TRERF1: variants seen among roughly 807,000 people sequenced by gnomAD.
TRERF1 encodes transcriptional-regulating factor 1.
In TRERF1, 27 loss-of-function variants were observed where a neutral mutation model predicts 122.9. The ratio of observed to expected loss-of-function variants is 0.22; its 90% CI spans 0.16 to 0.30. TRERF1 has a LOEUF of 0.30. TRERF1 is among the 10% of genes least tolerant of loss of function. The probability of loss-of-function intolerance (pLI) is 1.00; values close to 1 mark genes in which losing one functional copy is unlikely to be tolerated. For missense variants in TRERF1, 1,248 were observed against 1,560.3 expected (o/e 0.80, Z 3.37); for synonymous variants, 636 against 641.7 (o/e 0.99, Z 0.13).
chr6:42,415,702 A>G (rs1334397546), intron 2 of TRERF1, among the ~76,000 whole-genome samples: 2 of 152,124 alleles, frequency 1.3e-5, no homozygotes. Context: ...TGGGCTCACT[A>G]TTCTGTCCCA....
chr6:42,405,792 C>A (rs1162250363), intron 2 of TRERF1, among the ~76,000 whole-genome samples: 6 of 133,884 alleles, frequency 4.5e-5, no homozygotes, highest in African/African-American at 1.9e-4. Flanking sequence ...CAGACCTTGT[C>A]TCAAAAAAAA....
exon 18 of TRERF1, chr6:42,226,463 T>C (rs1244524706): frequency 6.6e-6 from 1 of 152,250 alleles, no homozygotes; most frequent in African/African-American, 2.4e-5. Flanking sequence ...TGATGCACAC[T>C]GCCCAGGCAG....
intron 2 of TRERF1, among the ~76,000 whole-genome samples, chr6:42,437,741 T>C (rs1031571704): frequency 2.0e-5 from 3 of 152,136 alleles, no homozygotes; most frequent in African/African-American, 7.2e-5. Flanking sequence ...TGCCCTGCAA[T>C]TTACTAGCCA....
chr6:42,265,012 A>T (rs1778905719), intron 6 of TRERF1, among the ~76,000 whole-genome samples, 158 bp from the exon 7 acceptor site: 1 of 152,194 alleles, frequency 6.6e-6, no homozygotes, highest in South Asian at 2.1e-4. Flanking sequence ...CCCTTTAGAG[A>T]ACAAAGTTCA....
intron 2 of TRERF1, among the ~76,000 whole-genome samples, chr6:42,429,982 A>G (rs1784241037): frequency 6.6e-6 from 1 of 152,004 alleles, no homozygotes; most frequent in Non-Finnish European, 1.5e-5. Context: ...AGCAATGCAG[A>G]TGAGTATCTA....
At chr6:42,383,358 T>C (rs1231823602) in intron 2 of TRERF1, among the ~76,000 whole-genome samples, 1 of 152,210 alleles carries the variant, frequency 6.6e-6, no homozygotes, top group Non-Finnish European at 1.5e-5. Context: ...CCAGTGTCAC[T>C]ATCATGCCTC....
chr6:42,248,726 T>C (rs992501654), intron 13 of TRERF1, among the ~76,000 whole-genome samples: 3 of 152,118 alleles, frequency 2.0e-5, no homozygotes, highest in African/African-American at 7.2e-5. Context: ...TCATCTTCCA[T>C]GGGTTCCAGA....
Position 42,268,242 on chromosome 6 carries a change from T to C in TRERF1, c.1349A>G (p.His450Arg). The change falls in exon 5 of 18, where the codon CAT (histidine) becomes CGT (arginine). Residue 450 changes from histidine to arginine, a missense_variant. Physicochemically the swap from His to Arg is conservative, Grantham distance 29 (BLOSUM62 0). Around this residue, in one of 5 missense-constraint regions of TRERF1, gnomAD observed 946 missense variants for 1,073.0 expected, o/e 0.88. Coordinates refer to ENST00000372922, the Ensembl canonical transcript of TRERF1. The surrounding 1 kb of genome is among the most constrained non-coding windows in gnomAD (Gnocchi z 4.4). ...CCCACTGGGGGATAGGAGGGGGCGA[T>C]GGGGGAGGGTGCTGCTGACCCGGGT... is the stretch of plus-strand genomic sequence containing the variant. 6.7e-7 allele frequency: 1 copy of C among 1,490,426 alleles called. No individual in the cohort carries two copies. The highest frequency in any genetic ancestry group is 8.9e-7 in the Non-Finnish European group (1 of 1,120,114). 92.3% of individuals were successfully genotyped at this position (1,490,426 alleles called of 1,614,324 possible).
At chr6:42,339,688 C>T (rs1477777332) in intron 3 of TRERF1, among the ~76,000 whole-genome samples, 1 of 152,182 alleles carries the variant, frequency 6.6e-6, no homozygotes, top group Non-Finnish European at 1.5e-5. Context: ...CTCAGCCAAA[C>T]CCATGCAGAC....
At chr6:42,436,800 C>CAAAAAAAAAAAA (rs775861205) in intron 2 of TRERF1, among the ~76,000 whole-genome samples, 5 of 77,548 alleles carry the variant, frequency 6.4e-5, no homozygotes, top group African/African-American at 1.9e-4. Context: ...TCTCCCTCTA[C>CAAAAAAAAAAAA]AAAAAAAAAA....
At chr6:42,443,278 T>G (rs958401213) in intron 2 of TRERF1, among the ~76,000 whole-genome samples, 1 of 152,242 alleles carries the variant, frequency 6.6e-6, no homozygotes, top group African/African-American at 2.4e-5. Flanking sequence ...TCTGCTTTTG[T>G]GTATGTTTAA....
intron 2 of TRERF1, among the ~76,000 whole-genome samples, chr6:42,395,255 T>C (rs1430064558): frequency 6.6e-6 from 1 of 152,220 alleles, no homozygotes; most frequent in Non-Finnish European, 1.5e-5. Context: ...TACAGCTCTA[T>C]GGCTAAAGCC....
chr6:42,264,819 T>C (rs767822620), exon 7 of TRERF1: 2 of 1,614,066 alleles, frequency 1.2e-6, no homozygotes, highest in Non-Finnish European at 1.7e-6. Context: ...GTTCTTGGCA[T>C]CAAACTGCTC....
At chr6:42,293,173 G>A (rs9394894) in intron 4 of TRERF1, among the ~76,000 whole-genome samples, 58,504 of 152,038 alleles carry the variant, frequency 0.38, 11,504 homozygotes, top group African/African-American at 0.45. Context: ...CCTCACAGAC[G>A]TGGAAAAAGA....
chr6:42,326,010 AG>A (rs764482933), intron 3 of TRERF1, among the ~76,000 whole-genome samples: 29 of 152,220 alleles, frequency 1.9e-4, no homozygotes, highest in Non-Finnish European at 3.4e-4. Flanking sequence ...GAACAGACAC[AG>A]GGGACTACAA....
chr6:42,394,499 A>G (rs1778252183), intron 2 of TRERF1, among the ~76,000 whole-genome samples: 1 of 152,142 alleles, frequency 6.6e-6, no homozygotes, highest in African/African-American at 2.4e-5. Flanking sequence ...ATTGCTTCCA[A>G]CACTTTCCAG....
intron 3 of TRERF1, among the ~76,000 whole-genome samples, chr6:42,312,610 C>G (rs6913527): frequency 6.6e-6 from 1 of 152,086 alleles, no homozygotes; most frequent in African/African-American, 2.4e-5. Context: ...CTGGGTGTGC[C>G]GAGGTCTGGG....
chr6:42,261,148 G>A (rs1187664103), intron 8 of TRERF1, among the ~76,000 whole-genome samples: 5 of 152,204 alleles, frequency 3.3e-5, no homozygotes, highest in African/African-American at 1.2e-4. Context: ...GAGAGGGGCT[G>A]AGGAGAATGG....
In TRERF1 at chr6:42,269,498, C is replaced by T. The variant is rs776141338; in HGVS notation, c.93G>A (p.Gly31=). Residue 31 remains glycine, a synonymous_variant, in exon 5 of 18, where the codon GGG becomes GGA. Transcript: ENST00000372922. The surrounding 1 kb of genome is among the most constrained non-coding windows in gnomAD (Gnocchi z 4.9). ...CTGCATTCCCATAGTTGTGGTTCAG[C>T]CCGCTGTGGACGCCAAGTGGTGGCT... The T allele has an allele frequency of 7.4e-6, 12 of 1,614,104 alleles. No individual in the cohort carries two copies. Among genetic ancestry groups the T allele is most frequent in the Non-Finnish European group, 1.0e-5 (12 of 1,180,042 alleles).
Sources: allele counts gnomAD v4.1 joint callset (sites outside exome capture counted in the v4.1 genomes callset), GRCh38; gene constraint gnomAD v4.1.1; regional missense constraint gnomAD v4.1.1; non-coding constraint Gnocchi (gnomAD v3.1); transcripts MANE v1.5; gene names NCBI Gene and HGNC (gene_info 2026-07-23, HGNC 2026-07-21).